The following FEZF1 variants were observed in gnomAD, a reference collection of about 807,000 sequenced individuals.
FEZF1 encodes the protein FEZ family zinc finger 1.
FEZF1 carries 8 observed loss-of-function variants against 32.4 expected under a neutral mutation model. That is an observed-to-expected ratio of 0.25 (90% confidence interval 0.15 to 0.45). The LOEUF (loss-of-function observed/expected upper bound fraction) is 0.45, where lower values mean the gene tolerates loss of function less well. FEZF1 is among the 20% of genes least tolerant of loss of function. FEZF1 has a pLI of 1.00. For missense variants in FEZF1, 546 were observed against 622.3 expected, an observed-to-expected ratio of 0.88 and a Z score of 1.31; for synonymous variants, 259 against 265.2, an observed-to-expected ratio of 0.98 and a Z score of 0.23.
At position 122,304,158 on chromosome 7, in the gene FEZF1, C is replaced by T. The variant is rs757453707; in HGVS notation, c.280G>A (p.Glu94Lys). ...TSPKAGVTGS[E>K]PRKASLEAPA... is the part of the protein sequence containing the mutation. ...GCCTCCAGACTGGCCTTCCGCGGCT[C>T]GGAGCCCGTCACTCCTGCCTTGGGG... The change falls in exon 1 of 4, where the codon GAG becomes AAG. Residue 94 changes from glutamate to lysine, a missense_variant. Coordinates refer to ENST00000442488, the MANE Select transcript of FEZF1 (RefSeq NM_001024613.4). 1.2e-6 allele frequency: 2 copies of T among 1,601,988 alleles called. No individual in the cohort carries two copies. Among genetic ancestry groups the T allele is most frequent in the South Asian group, 1.1e-5 (1 of 89,678 alleles).
rs1160347144 is a variant in FEZF1 at position 122,302,501 on chromosome 7, A to C, written c.1070-146T>G. Reference sequence around the variant, plus strand: ...GTGCAGGGCTACTATCTGTGCCTGCACTTGTCTCCCCAAGTTTATTTTCAA... The same window carrying C: ...GTGCAGGGCTACTATCTGTGCCTGCCCTTGTCTCCCCAAGTTTATTTTCAA... On this transcript the variant is annotated intron_variant, in intron 3 of 3. Coordinates refer to ENST00000442488, the MANE Select transcript of FEZF1 (RefSeq NM_001024613.4). This position sits in a 1 kb window ranked among gnomAD's most constrained non-coding sequence, Gnocchi z 4.4. The C allele has an allele frequency of 2.3e-6, 3 of 1,281,216 alleles. No homozygotes were observed. The East Asian group carries it at 7.5e-5, about 32-fold the overall frequency. The allele number at this position is 1,281,216 out of a possible 1,614,324, so 79.4% of individuals were successfully genotyped here.
intron 2 of FEZF1, 73 bp downstream of exon 2, chr7:122,303,104 T>C: frequency 6.2e-7 from 1 of 1,601,154 alleles, no homozygotes; most frequent in South Asian, 1.1e-5. Context: ...TCCTAAAGAG[T>C]AAGGTTTTAT....
upstream of FEZF1, chr7:122,306,328 T>TG (rs1181077038): frequency 1.3e-5 from 2 of 152,216 alleles, no homozygotes; most frequent in Admixed American, 6.5e-5. Flanking sequence ...CCAAGTGTAG[T>TG]GGGGGCGTCC....
chr7:122,303,138 C>A (rs765448481), intron 2 of FEZF1, 39 bp downstream of exon 2: 1 of 1,613,160 alleles, frequency 6.2e-7, no homozygotes, highest in Admixed American at 1.7e-5. Flanking sequence ...GCAAACAGTT[C>A]GGAAGCAAAC....
At position 122,304,048 on chromosome 7, in the gene FEZF1, G is replaced by A; in HGVS notation, c.390C>T (p.Asp130=). 3.2e-6 allele frequency: 5 copies of A among 1,559,050 alleles called. No homozygotes were observed. Among genetic ancestry groups the A allele is most frequent in the Non-Finnish European group, 4.3e-6 (5 of 1,154,322 alleles). Residue 130 remains aspartate, a synonymous_variant, in exon 1 of 4, where the codon GAC becomes GAT. Transcript: ENST00000442488. ...GCAGCGGCAGCGCGTCGCGGGCCAG[G>A]TCGCCCTTGAGACTCAGTGCGCAGT... ...LLNCALSLKG[D]LARDALPLQQ...
upstream of FEZF1, chr7:122,307,628 T>A (rs972413095): frequency 5.9e-5 from 9 of 152,410 alleles, no homozygotes; most frequent in African/African-American, 2.2e-4. Flanking sequence ...GAGGTATGCA[T>A]GCTTTGTATA....
At position 122,302,136 on chromosome 7, in the gene FEZF1, G is replaced by C. The variant is rs1300743164; in HGVS notation, c.1289C>G (p.Ala430Gly). 6.2e-7 allele frequency: 1 copy of C among 1,613,982 alleles called. No individual in the cohort carries two copies. Among genetic ancestry groups the C allele is most frequent in the Non-Finnish European group, 8.5e-7 (1 of 1,180,024 alleles). Residue 430 changes from alanine to glycine, a missense_variant, in exon 4 of 4, where the codon GCC becomes GGC. Around this residue, in one of 3 missense-constraint regions of FEZF1, gnomAD observed 83 missense variants for 73.0 expected, o/e 1.14. Transcript: ENST00000442488. The surrounding 1 kb of genome is among the most constrained non-coding windows in gnomAD (Gnocchi z 4.4). ...RKLHDSSLGL[A>G]RTPAGEPGTE... ...GCCTGGTTCGCCAGCTGGCGTGCGG[G>C]CCAGCCCCAGGCTGCTGTCGTGCAG...
upstream of FEZF1, among the ~76,000 whole-genome samples, chr7:122,307,684 G>C (rs1175350863): frequency 6.6e-6 from 1 of 152,256 alleles, no homozygotes; most frequent in Non-Finnish European, 1.5e-5. Context: ...TTCAGGATTT[G>C]CCCTTTTGGC....
At chr7:122,310,231 G>T (rs1399968409) in exon 1 of FEZF1, 6 of 152,182 alleles carry the variant, frequency 3.9e-5, no homozygotes, top group Admixed American at 6.5e-5. Flanking sequence ...AGTGCCCCGC[G>T]CCGACCCGCT....
Position 122,302,029 on chromosome 7 carries a change from G to A in FEZF1, c.1396C>T (p.Leu466=), listed in dbSNP as rs1040327488. The change falls in exon 4 of 4, where the codon CTG becomes TTG. Residue 466 remains leucine (L), a synonymous_variant. Coordinates refer to ENST00000442488, the MANE Select transcript of FEZF1 (RefSeq NM_001024613.4). The surrounding 1 kb of genome is among the most constrained non-coding windows in gnomAD (Gnocchi z 4.4). ...TGGCCCTGGTGGAGCCCGGGCTGCAGGGGCCCCGGGGTTGGCAGCGGCGGC... is the reference window on the plus strand; with the variant it reads ...TGGCCCTGGTGGAGCCCGGGCTGCAAGGGCCCCGGGGTTGGCAGCGGCGGC... ...LQPPLPTPGP[L]QPGLHQGHQ The A allele has an allele frequency of 1.3e-6, 2 of 1,598,720 alleles. No individual in the cohort carries two copies. The highest frequency in any genetic ancestry group is 1.3e-5 in the African/African-American group (1 of 74,806).
rs1466933010 is a variant in FEZF1 at position 122,302,653 on chromosome 7, C to T, written c.1069+146G>A. On this transcript the variant is annotated intron_variant, in intron 3 of 3. Transcript: ENST00000442488. This position sits in a 1 kb window ranked among gnomAD's most constrained non-coding sequence, Gnocchi z 4.4. ...TTATGAATCATGCTTTTCTCTAATA[C>T]TAATCAGACTTCGAGTAGGGAGTTA... The T allele has an allele frequency of 1.1e-6, 1 of 909,322 alleles. No homozygotes were observed. Among genetic ancestry groups the T allele is most frequent in the Non-Finnish European group, 1.7e-6 (1 of 582,502 alleles). The allele number at this position is 909,322 out of a possible 1,614,324, so 56.3% of individuals were successfully genotyped here. A position where few individuals can be genotyped will look rare whatever the true frequency, so the allele number is the denominator to read the frequency against.
rs756314733 is a variant in FEZF1, at chr7:122,304,073, T to TTGA, written c.362_364dup (p.Leu121_Asn122insIle). 6.4e-7 allele frequency: 1 copy of TTGA among 1,565,824 alleles called. No individual in the cohort carries two copies. The highest frequency in any genetic ancestry group is 8.6e-7 in the Non-Finnish European group (1 of 1,157,948). On this transcript the variant is annotated inframe_insertion, in exon 1 of 4. Coordinates refer to ENST00000442488, the MANE Select transcript of FEZF1 (RefSeq NM_001024613.4). ...GTCGCCCTTGAGACTCAGTGCGCAG[T>TTGA]TGAGCAGGTCGCTGCAGCTGAATGC...
chr7:122,302,839 C>T lies in FEZF1; in HGVS notation c.1029G>A (p.Pro343=), dbSNP rs1432400355. 2 of 1,614,072 alleles carry T rather than the reference C, an allele frequency of 1.2e-6. No homozygotes were observed. Among genetic ancestry groups the T allele is most frequent in the African/African-American group, 1.3e-5 (1 of 75,018 alleles). ...THTRIHAGYK[P]FVCEFCGKGF... ...CTTTGCCACAGAATTCACACACAAA[C>T]GGTTTGTAGCCCGCGTGTATTCGGG... Residue 343 remains proline (P), a synonymous_variant, in exon 3 of 4, where the codon CCG becomes CCA. Transcript: ENST00000442488. The surrounding 1 kb of genome is among the most constrained non-coding windows in gnomAD (Gnocchi z 4.4).
At chr7:122,303,395 G>C in intron 1 of FEZF1, 84 bp from the exon 2 acceptor site, 1 of 1,522,094 alleles carries the variant, frequency 6.6e-7, no homozygotes, top group East Asian at 2.3e-5. Flanking sequence ...AGGAGGAAGA[G>C]AATCTTAACA....
At chr7:122,309,530 A>T (rs1289242847), upstream of FEZF1, 1 of 152,258 alleles carries the variant, frequency 6.6e-6, no homozygotes, top group Non-Finnish European at 1.5e-5. Flanking sequence ...ACTTGGGCTC[A>T]GTTTGTTTCT....
At chr7:122,309,199 C>T (rs572258070), upstream of FEZF1, among the ~76,000 whole-genome samples, 6 of 152,094 alleles carry the variant, frequency 3.9e-5, no homozygotes, top group African/African-American at 1.4e-4. Flanking sequence ...TACTAGTGTG[C>T]TTTTAGTTAG....
upstream of FEZF1, among the ~76,000 whole-genome samples, chr7:122,308,219 G>A (rs1008621385): frequency 1.3e-5 from 2 of 152,094 alleles, no homozygotes; most frequent in African/African-American, 4.8e-5. Flanking sequence ...CCATGGAAAG[G>A]CAGTATTTAT....
upstream of FEZF1, chr7:122,305,877 C>T (rs1417030217): frequency 6.6e-6 from 1 of 152,324 alleles, no homozygotes; most frequent in East Asian, 1.9e-4. Context: ...CCCTGCAACG[C>T]CCCCCAGCCG....
Position 122,301,947 on chromosome 7 carries a change from C to G in FEZF1, c.*50G>C, listed in dbSNP as rs920024848. 2.1e-5 allele frequency: 32 copies of G among 1,540,072 alleles called. No individual in the cohort carries two copies. Among genetic ancestry groups the G allele is most frequent in the Non-Finnish European group, 2.7e-5 (31 of 1,156,576 alleles). On this transcript the variant is annotated 3_prime_UTR_variant, in exon 4 of 4. Coordinates refer to ENST00000442488, the MANE Select transcript of FEZF1 (RefSeq NM_001024613.4). ...TCGGACCAGGAGCTCTAGTCTGCCG[C>G]TGCCTCAGCGTGGGGGCACGGCTGA...
Sources: gnomAD v4.1 joint callset for allele counts (sites outside exome capture counted in the v4.1 genomes callset) on GRCh38, gnomAD v4.1.1 for gene constraint, gnomAD v4.1.1 regional missense constraint, Gnocchi (gnomAD v3.1) non-coding constraint, MANE v1.5 for transcripts, NCBI Gene and HGNC (gene_info 2026-07-23, HGNC 2026-07-21) for gene names.